Variants in NXPH1 observed in about 807,000 individuals in gnomAD.
NXPH1 encodes the protein neurexophilin-1.
Under a neutral mutation model 23.7 loss-of-function variants are expected in NXPH1, and 5 were observed. That is an observed-to-expected ratio of 0.21 (90% CI 0.11 to 0.44). NXPH1 has a LOEUF of 0.44. NXPH1 is among the 20% of genes least tolerant of loss of function. The pLI is 0.99. For synonymous variants in NXPH1, 144 were observed against 122.2 expected (o/e 1.18, Z -1.18); for missense variants, 324 against 321.6 (o/e 1.01, Z -0.06).
intron 2 of NXPH1, among the ~76,000 whole-genome samples, chr7:8,441,428 G>A (rs957873589): frequency 5.9e-5 from 9 of 152,200 alleles, no homozygotes; most frequent in Admixed American, 3.9e-4. Context: ...CCTCAGATTG[G>A]CATGTTGACG....
chr7:8,558,180 A>C (rs1818390576), intron 2 of NXPH1, among the ~76,000 whole-genome samples: 1 of 151,646 alleles, frequency 6.6e-6, no homozygotes, highest in Non-Finnish European at 1.5e-5. Context: ...GGGTTTCTTT[A>C]TTATCTATCA....
intron 2 of NXPH1, among the ~76,000 whole-genome samples, chr7:8,450,952 A>C (rs1297561186): frequency 6.6e-6 from 1 of 152,174 alleles, no homozygotes. Flanking sequence ...ACCTTTTAGC[A>C]CTTCATTGTA....
At chr7:8,470,031 G>A (rs1269564944) in intron 2 of NXPH1, among the ~76,000 whole-genome samples, 2 of 152,238 alleles carry the variant, frequency 1.3e-5, no homozygotes, top group East Asian at 3.9e-4. Context: ...GCATACATTA[G>A]ACAATATGGA....
intron 2 of NXPH1, among the ~76,000 whole-genome samples, chr7:8,561,028 A>G (rs965405632): frequency 1.3e-5 from 2 of 151,450 alleles, no homozygotes; most frequent in African/African-American, 4.8e-5. Flanking sequence ...TACAACAGCA[A>G]CCCCTCTGCT....
chr7:8,667,380 G>T (rs200899292), intron 2 of NXPH1, among the ~76,000 whole-genome samples: 1 of 21,806 alleles, frequency 4.6e-5, no homozygotes, highest in East Asian at 3.0e-3. Flanking sequence ...TATTTGTTTT[G>T]TTTTGTTTTG....
At chr7:8,571,464 C>T (rs1818646296) in intron 2 of NXPH1, among the ~76,000 whole-genome samples, 1 of 151,742 alleles carries the variant, frequency 6.6e-6, no homozygotes, top group Non-Finnish European at 1.5e-5. Flanking sequence ...CATTTTATTG[C>T]ATATTAAGCA....
rs139875884 is a variant in NXPH1, at chr7:8,558,851, T to C, written c.54+123084T>C. Among the ~76,000 whole-genome samples the C allele has an allele frequency of 5.3e-5, 8 of 151,920 alleles. No individual in the cohort carries two copies. In the East Asian group the frequency reaches 1.6e-3, roughly 30 times the overall value. On this transcript the variant is annotated intron_variant, in intron 2 of 2. Coordinates refer to ENST00000405863, the MANE Select transcript of NXPH1 (RefSeq NM_152745.3). ...TCATAGATGACTGCCGTCTTTTGTG[T>C]TGATTATCTTGCTATAGTTTGTTTG...
At chr7:8,713,339 C>T (rs1457156740) in intron 2 of NXPH1, among the ~76,000 whole-genome samples, 2 of 152,066 alleles carry the variant, frequency 1.3e-5, no homozygotes, top group East Asian at 1.9e-4. Context: ...GATAGGATTC[C>T]GAATTCCTTC....
At chr7:8,512,220 CAT>C (rs1236286448) in intron 2 of NXPH1, among the ~76,000 whole-genome samples, 2 of 152,150 alleles carry the variant, frequency 1.3e-5, no homozygotes, top group Non-Finnish European at 2.9e-5. Context: ...CGCAAAGAAT[CAT>C]GTGATAATCT....
intron 2 of NXPH1, among the ~76,000 whole-genome samples, chr7:8,665,911 T>G (rs200844913): frequency 0.033 from 767 of 22,900 alleles, 10 homozygotes; most frequent in East Asian, 0.13. Flanking sequence ...GGTTTTTTTT[T>G]CTTTTTCTTT....
chr7:8,474,272 G>T (rs1414060838), intron 2 of NXPH1, among the ~76,000 whole-genome samples: 1 of 152,026 alleles, frequency 6.6e-6, no homozygotes, highest in African/African-American at 2.4e-5. Context: ...TTCAGTTGGT[G>T]CAAACAATTT....
intron 2 of NXPH1, among the ~76,000 whole-genome samples, chr7:8,542,025 A>G (rs1199993104): frequency 1.3e-5 from 2 of 151,570 alleles, no homozygotes; most frequent in Non-Finnish European, 3.0e-5. Context: ...ATAAATGTAA[A>G]TAGCCTAAAT....
At chr7:8,549,433 C>A (rs1818246128) in intron 2 of NXPH1, among the ~76,000 whole-genome samples, 1 of 151,486 alleles carries the variant, frequency 6.6e-6, no homozygotes, top group Non-Finnish European at 1.5e-5. Flanking sequence ...AGTAAGTATA[C>A]TGAATGCCAA....
At chr7:8,663,163 A>G (rs1820706467) in intron 2 of NXPH1, among the ~76,000 whole-genome samples, 1 of 152,096 alleles carries the variant, frequency 6.6e-6, no homozygotes, top group African/African-American at 2.4e-5. Flanking sequence ...TTTAGTATAC[A>G]TGGAGTCAAT....
intron 2 of NXPH1, among the ~76,000 whole-genome samples, chr7:8,703,084 C>G (rs908720844): frequency 6.6e-6 from 1 of 152,076 alleles, no homozygotes; most frequent in Non-Finnish European, 1.5e-5. Flanking sequence ...GCTGCTGTTT[C>G]TGTCAGCATA....
At chr7:8,613,585 A>C (rs1276436043) in intron 2 of NXPH1, among the ~76,000 whole-genome samples, 1 of 152,040 alleles carries the variant, frequency 6.6e-6, no homozygotes, top group Admixed American at 6.6e-5. Context: ...TGACTGGTTA[A>C]TGTAGGATAT....
chr7:8,514,867 C>T (rs1247673424), intron 2 of NXPH1, among the ~76,000 whole-genome samples: 1 of 152,132 alleles, frequency 6.6e-6, no homozygotes, highest in Admixed American at 6.6e-5. Flanking sequence ...ACCCAGATTA[C>T]ACACTCTAAA....
At chr7:8,453,037 AATG>A (rs1226691736) in intron 2 of NXPH1, among the ~76,000 whole-genome samples, 5 of 152,124 alleles carry the variant, frequency 3.3e-5, no homozygotes, top group African/African-American at 4.8e-5. Flanking sequence ...CAGAGTTAAT[AATG>A]ATAACATACC....
chr7:8,618,112 A>G (rs905725771), intron 2 of NXPH1, among the ~76,000 whole-genome samples: 2 of 152,172 alleles, frequency 1.3e-5, no homozygotes, highest in Admixed American at 6.6e-5. Context: ...TCTTCTGCCC[A>G]TAAGGAATTA....
Sources: allele counts gnomAD v4.1 joint callset (sites outside exome capture counted in the v4.1 genomes callset), GRCh38; gene constraint gnomAD v4.1.1; transcripts MANE v1.5; gene names NCBI Gene and HGNC (gene_info 2026-07-23, HGNC 2026-07-21).